Variants in SAMHD1 observed in about 807,000 individuals in gnomAD.
SAMHD1 encodes the protein deoxynucleoside triphosphate triphosphohydrolase SAMHD1.
In SAMHD1, 54 loss-of-function variants were observed where a neutral mutation model predicts 79.6. That is an observed-to-expected ratio of 0.68 (90% CI 0.55 to 0.85). SAMHD1 has a LOEUF of 0.85. Ranked by LOEUF, SAMHD1 falls within the 40% of genes least tolerant of loss-of-function variation. The pLI is 0.00. For missense variants in SAMHD1, 663 were observed against 782.7 expected (o/e 0.85, Z 1.82); for synonymous variants, 260 against 264.1 (o/e 0.98, Z 0.15).
intron 9 of SAMHD1, among the ~76,000 whole-genome samples, chr20:36,913,366 G>T (rs2063456778): frequency 6.6e-6 from 1 of 151,484 alleles, no homozygotes; most frequent in South Asian, 2.1e-4. Context: ...CACTTTGGGA[G>T]GCCGAGGTGG....
At chr20:36,916,697 T>G (rs1177277473) in intron 9 of SAMHD1, 25 bp downstream of exon 9, 1 of 1,495,602 alleles carries the variant, frequency 6.7e-7, no homozygotes, top group Admixed American at 1.7e-5. Context: ...ACATTCTTCT[T>G]ATTGCCTCCT....
At chr20:36,934,056 A>G (rs892387621) in intron 4 of SAMHD1, among the ~76,000 whole-genome samples, 1 of 151,868 alleles carries the variant, frequency 6.6e-6, no homozygotes, top group Non-Finnish European at 1.5e-5. Context: ...AAAAAAAAAA[A>G]AAGTGCTGGG....
At position 36,919,376 on chromosome 20, in the gene SAMHD1, G is replaced by A. The variant is rs17853622; in HGVS notation, c.840C>T (p.Val280=). The change falls in exon 7 of 16, where the codon GTC becomes GTT. Residue 280 remains valine, a synonymous_variant. Coordinates refer to ENST00000646673, the MANE Select transcript of SAMHD1 (RefSeq NM_015474.4). The part of the protein sequence containing the change: ...EQIVGPLESP[V]EDSLWPYKGR... Reference sequence around the variant, plus strand: ...TACATAAACTTACCAATGAATCTTCGACAGGTGATTCAAGTGGTCCTACAA... The same window carrying A: ...TACATAAACTTACCAATGAATCTTCAACAGGTGATTCAAGTGGTCCTACAA... 9.9e-6 allele frequency: 16 copies of A among 1,613,242 alleles called. No individual in the cohort carries two copies. Among genetic ancestry groups the A allele is most frequent in the African/African-American group, 2.7e-5 (2 of 74,878 alleles).
At chr20:36,939,272 A>G (rs1039730972) in intron 3 of SAMHD1, among the ~76,000 whole-genome samples, 6 of 148,174 alleles carry the variant, frequency 4.0e-5, no homozygotes, top group Non-Finnish European at 8.9e-5. Context: ...AAAAAAAAAA[A>G]AAAAAAAGAA....
At chr20:36,920,769 A>G (rs200214492) in intron 6 of SAMHD1, among the ~76,000 whole-genome samples, 1 of 4,906 alleles carries the variant, frequency 2.0e-4, no homozygotes, top group Non-Finnish European at 2.9e-4. Flanking sequence ...GTTTCAAAAG[A>G]AAAAAAAAAA....
At chr20:36,943,238 C>T (rs2063660341) in intron 2 of SAMHD1, among the ~76,000 whole-genome samples, 1 of 152,168 alleles carries the variant, frequency 6.6e-6, no homozygotes, top group Non-Finnish European at 1.5e-5. Flanking sequence ...GGGCTAATCC[C>T]ACTGGCAACC....
chr20:36,936,435 C>T (rs1484029340), intron 3 of SAMHD1, among the ~76,000 whole-genome samples: 4 of 152,042 alleles, frequency 2.6e-5, no homozygotes, highest in Non-Finnish European at 4.4e-5. Flanking sequence ...ATCCTCCTGC[C>T]TCAGCCTCCC....
In SAMHD1 at chr20:36,905,365, CT is replaced by C. The variant is rs1568762986; in HGVS notation, c.1408del (p.Arg470GlyfsTer20). 3 of 1,614,034 alleles carry C rather than the reference CT, an allele frequency of 1.9e-6. No homozygotes were observed. Among genetic ancestry groups the C allele is most frequent in the Non-Finnish European group, 2.5e-6 (3 of 1,179,980 alleles). On this transcript the variant is annotated frameshift_variant and splice_region_variant, in exon 12 of 16. Transcript: ENST00000646673. LOFTEE classifies it high-confidence loss of function. Reference sequence around the variant, plus strand: ...ATGGAAAGATGCCTGATAACTCACCCTTTTAATCTTTATTTGTCCTGTTGGC... The same window carrying C: ...ATGGAAAGATGCCTGATAACTCACCCTTTAATCTTTATTTGTCCTGTTGGC... ...TQPTGQIKIK[R>X]EDYESLPKEV...
chr20:36,906,607 CTA>C (rs1397035387), intron 11 of SAMHD1, among the ~76,000 whole-genome samples: 1 of 151,978 alleles, frequency 6.6e-6, no homozygotes, highest in Non-Finnish European at 1.5e-5. Flanking sequence ...TTGTAAATTT[CTA>C]TAATAATAAA....
At chr20:36,912,435 A>G in intron 10 of SAMHD1, 26 bp downstream of exon 10, 13 of 1,492,500 alleles carry the variant, frequency 8.7e-6, no homozygotes, top group Non-Finnish European at 1.2e-5. Flanking sequence ...AAAATTTTAT[A>G]GGGAAATGAC....
At chr20:36,920,341 C>A (rs1324282950) in intron 6 of SAMHD1, among the ~76,000 whole-genome samples, 3 of 152,064 alleles carry the variant, frequency 2.0e-5, no homozygotes, top group Admixed American at 2.0e-4. Context: ...GTCTTGAACT[C>A]CTAGGCTCAA....
At chr20:36,929,197 T>C (rs2063553875) in intron 5 of SAMHD1, among the ~76,000 whole-genome samples, 1 of 152,070 alleles carries the variant, frequency 6.6e-6, no homozygotes, top group South Asian at 2.1e-4. Context: ...TGGCAAAGGT[T>C]TCCCAATGAT....
At position 36,947,310 on chromosome 20, in the gene SAMHD1, G is replaced by GGTGTGTGTGTGTGT. The variant is rs35061251; in HGVS notation, c.209-520_209-507dup. Among the ~76,000 whole-genome samples the GGTGTGTGTGTGTGT allele has an allele frequency of 1.2e-3, 105 of 85,132 alleles. 5 individuals are homozygous for GGTGTGTGTGTGTGT. Among genetic ancestry groups the GGTGTGTGTGTGTGT allele is most frequent in the East Asian group, 3.1e-3 (8 of 2,544 alleles). The allele number at this position is 85,132 out of a possible 152,430, so 55.8% of individuals were successfully genotyped here. On this transcript the variant is annotated intron_variant, in intron 1 of 15. Transcript: ENST00000646673. ...GCACTCAATACTCTGATTTGGAAGA[G>GGTGTGTGTGTGTGT]GTGTGTGTGTGTGTGTGTGTGTGTG...
chr20:36,938,453 T>C (rs1448614385), intron 3 of SAMHD1, among the ~76,000 whole-genome samples: 1 of 151,594 alleles, frequency 6.6e-6, no homozygotes, highest in Non-Finnish European at 1.5e-5. Context: ...GGCAGGAGAA[T>C]TGCTTGAACC....
At chr20:36,943,030 G>A (rs1329118827) in intron 2 of SAMHD1, among the ~76,000 whole-genome samples, 1 of 152,140 alleles carries the variant, frequency 6.6e-6, no homozygotes, top group Non-Finnish European at 1.5e-5. Flanking sequence ...AGGAGTGCTT[G>A]TCTAAGCTGG....
At chr20:36,914,204 GC>G (rs1411766601) in intron 9 of SAMHD1, among the ~76,000 whole-genome samples, 1 of 151,946 alleles carries the variant, frequency 6.6e-6, no homozygotes, top group Non-Finnish European at 1.5e-5. Context: ...AGATTTCCTT[GC>G]CCCGCTGCCA....
At position 36,919,369 on chromosome 20, in the gene SAMHD1, A is replaced by C. The variant is rs2146119399; in HGVS notation, c.847T>G (p.Ser283Ala). 2 of 1,613,526 alleles carry C rather than the reference A, an allele frequency of 1.2e-6. No homozygotes were observed. Among genetic ancestry groups the C allele is most frequent in the Non-Finnish European group, 1.7e-6 (2 of 1,179,648 alleles). The change falls in exon 7 of 16, where the codon TCA (serine) becomes GCA (alanine). Residue 283 changes from serine to alanine, a missense_variant. Coordinates refer to ENST00000646673, the MANE Select transcript of SAMHD1 (RefSeq NM_015474.4). ...VGPLESPVED[S>A]LWPYKGRPEN... ...TAAGCTGTACATAAACTTACCAATG[A>C]ATCTTCGACAGGTGATTCAAGTGGT...
chr20:36,893,163 G>C (rs895922901), intron 15 of SAMHD1, 97 bp from the exon 16 acceptor site: 5 of 1,454,094 alleles, frequency 3.4e-6, no homozygotes, highest in Non-Finnish European at 4.8e-6. Context: ...TCCTCATCTT[G>C]CATATAGATT....
At chr20:36,946,078 T>C (rs532770716) in intron 2 of SAMHD1, among the ~76,000 whole-genome samples, 278 of 149,786 alleles carry the variant, frequency 1.9e-3, no homozygotes, top group African/African-American at 6.6e-3. Flanking sequence ...AGGCCAAGAG[T>C]TCAAGACCAG....
Sources: gnomAD v4.1 joint callset for allele counts (sites outside exome capture counted in the v4.1 genomes callset) on GRCh38, gnomAD v4.1.1 for gene constraint, MANE v1.5 for transcripts, NCBI Gene and HGNC (gene_info 2026-07-23, HGNC 2026-07-21) for gene names.